LRP1B: variants seen among roughly 807,000 people sequenced by gnomAD.
LRP1B encodes the protein low-density lipoprotein receptor-related protein 1B.
A neutral mutation model predicts 556.6 loss-of-function variants in LRP1B; 217 were observed. The ratio of observed to expected loss-of-function variants is 0.39; its 90% CI spans 0.35 to 0.44. The LOEUF (loss-of-function observed/expected upper bound fraction) is 0.44, where lower values mean the gene tolerates loss of function less well. Ranked by LOEUF, LRP1B falls within the 20% of genes least tolerant of loss-of-function variation. The pLI is 1.00. For missense variants in LRP1B, 5,053 were observed against 5,620.8 expected (o/e 0.90, Z 3.23); for synonymous variants, 2,047 against 1,865.8 (o/e 1.10, Z -2.50).
intron 2 of LRP1B, among the ~76,000 whole-genome samples, chr2:141,510,978 T>C (rs2105152060): frequency 6.6e-6 from 1 of 151,574 alleles, no homozygotes; most frequent in South Asian, 2.1e-4. Context: ...GAGTGGAGAA[T>C]AGAGTCTAGT....
intron 2 of LRP1B, among the ~76,000 whole-genome samples, chr2:141,730,617 G>A (rs1226680356): frequency 6.6e-6 from 1 of 151,934 alleles, no homozygotes; most frequent in East Asian, 1.9e-4. Context: ...CAGTTTTTAT[G>A]GGCACAATTT....
intron 35 of LRP1B, among the ~76,000 whole-genome samples, chr2:140,745,763 T>C (rs1688294175): frequency 6.6e-6 from 1 of 152,084 alleles, no homozygotes; most frequent in African/African-American, 2.4e-5. Flanking sequence ...TAAAAAACAG[T>C]CCCTGACCCA....
intron 55 of LRP1B, among the ~76,000 whole-genome samples, chr2:140,497,653 T>G (rs140223810): frequency 6.6e-6 from 1 of 151,842 alleles, no homozygotes; most frequent in African/African-American, 2.4e-5. Flanking sequence ...AGAGTCACTT[T>G]AGGACAAATG....
intron 2 of LRP1B, among the ~76,000 whole-genome samples, chr2:141,680,675 G>A (rs1340028594): frequency 6.6e-6 from 1 of 152,156 alleles, no homozygotes; most frequent in Non-Finnish European, 1.5e-5. Flanking sequence ...GCAGTCTGAG[G>A]ATGGGAGAGA....
chr2:141,882,832 CAA>C (rs1469601608), intron 1 of LRP1B, among the ~76,000 whole-genome samples: 2 of 152,154 alleles, frequency 1.3e-5, no homozygotes, highest in Non-Finnish European at 2.9e-5. Context: ...CTCAGCCTCT[CAA>C]AGTGCAGGGG....
At chr2:141,158,533 T>C (rs1391377007) in intron 7 of LRP1B, among the ~76,000 whole-genome samples, 28 of 152,130 alleles carry the variant, frequency 1.8e-4, no homozygotes, top group Non-Finnish European at 3.5e-4. Context: ...TACTTGTCTT[T>C]TCAATTTTGT....
chr2:141,319,308 T>G (rs1465765058), intron 3 of LRP1B, among the ~76,000 whole-genome samples: 2 of 32,788 alleles, frequency 6.1e-5, no homozygotes, highest in East Asian at 2.2e-3. Context: ...TGTTTTTTTG[T>G]TGTTTTTTTT....
intron 2 of LRP1B, among the ~76,000 whole-genome samples, chr2:141,790,204 A>T (rs188051854): frequency 1.6e-4 from 25 of 152,042 alleles, no homozygotes; most frequent in African/African-American, 6.0e-4. Flanking sequence ...ATCATGAAAA[A>T]TTACCAGTCT....
intron 7 of LRP1B, among the ~76,000 whole-genome samples, chr2:141,113,759 C>A (rs934355864): frequency 1.3e-5 from 2 of 149,214 alleles, no homozygotes; most frequent in Non-Finnish European, 3.0e-5. Flanking sequence ...ATGCAAAAAG[C>A]TATTAATATT....
chr2:140,346,813 A>C lies in LRP1B; in HGVS notation c.11892+3984T>G, dbSNP rs115900896. Among the ~76,000 whole-genome samples, 1,187 of 152,098 alleles carry C rather than the reference A, an allele frequency of 7.8e-3. 7 individuals carry two copies. Among genetic ancestry groups the C allele is most frequent in the Middle Eastern group, 0.031 (9 of 294 alleles). On this transcript the variant is annotated intron_variant, in intron 77 of 90. Coordinates refer to ENST00000389484, the MANE Select transcript of LRP1B (RefSeq NM_018557.3). ...AATTGAGACCTATTAAGAGTAACTT[A>C]AATAGATATTTTGCTAAAAGCTTTT...
chr2:140,825,381 C>A (rs1219662671), intron 31 of LRP1B, among the ~76,000 whole-genome samples: 1 of 152,062 alleles, frequency 6.6e-6, no homozygotes, highest in Non-Finnish European at 1.5e-5. Context: ...GTTCATATCA[C>A]TTTTGGTCAT....
chr2:141,055,617 A>G (rs1230752751), intron 9 of LRP1B, among the ~76,000 whole-genome samples: 2 of 152,030 alleles, frequency 1.3e-5, no homozygotes, highest in African/African-American at 4.8e-5. Flanking sequence ...ACAAAGATCC[A>G]CAAAAATAAT....
At chr2:140,396,922 G>C (rs1684281326) in intron 66 of LRP1B, among the ~76,000 whole-genome samples, 1 of 152,084 alleles carries the variant, frequency 6.6e-6, no homozygotes, top group African/African-American at 2.4e-5. Context: ...ATTGTTTTAA[G>C]TGAATAGATA....
chr2:141,484,344 C>T (rs1683036171), intron 2 of LRP1B, among the ~76,000 whole-genome samples: 1 of 149,734 alleles, frequency 6.7e-6, no homozygotes, highest in African/African-American at 2.4e-5. Context: ...GTACCAGTAC[C>T]ATGCTGTTTT....
At chr2:140,974,885 T>A (rs1306441156) in intron 18 of LRP1B, among the ~76,000 whole-genome samples, 2 of 152,136 alleles carry the variant, frequency 1.3e-5, no homozygotes, top group Non-Finnish European at 2.9e-5. Context: ...ACAGACTCCA[T>A]GAGAATCATT....
chr2:141,695,045 C>G (rs1025040644), intron 2 of LRP1B, among the ~76,000 whole-genome samples: 3 of 152,044 alleles, frequency 2.0e-5, no homozygotes, highest in African/African-American at 7.2e-5. Flanking sequence ...TTCATGCCAG[C>G]ATTGCCACAT....
intron 43 of LRP1B, among the ~76,000 whole-genome samples, chr2:140,595,818 A>G (rs761154200): frequency 7.9e-5 from 12 of 152,200 alleles, no homozygotes; most frequent in Admixed American, 3.9e-4. Context: ...ATGTTCATGC[A>G]ATTAGTCAAT....
chr2:140,987,838 G>T (rs78144980), intron 17 of LRP1B, among the ~76,000 whole-genome samples: 4,948 of 152,000 alleles, frequency 0.033, 182 homozygotes, highest in African/African-American at 0.088. Context: ...ATAAGAAAAA[G>T]CCAGGCATGG....
At chr2:141,131,217 C>A (rs2105026636) in intron 7 of LRP1B, among the ~76,000 whole-genome samples, 1 of 151,866 alleles carries the variant, frequency 6.6e-6, no homozygotes, top group African/African-American at 2.4e-5. Context: ...GACATAACTC[C>A]ATTGTAAGTC....
Sources: gnomAD v4.1 joint callset for allele counts (sites outside exome capture counted in the v4.1 genomes callset) on GRCh38, gnomAD v4.1.1 for gene constraint, MANE v1.5 for transcripts, NCBI Gene and HGNC (gene_info 2026-07-23, HGNC 2026-07-21) for gene names.